The following CASK variants were observed in gnomAD, a reference collection of about 807,000 sequenced individuals.
CASK encodes the protein calcium/calmodulin dependent serine protein kinase, also known as peripheral plasma membrane protein CASK.
A neutral mutation model predicts 82.9 loss-of-function variants in CASK; 4 were observed. The observed-to-expected ratio is 0.05, with a 90% CI of 0.02 to 0.11. The LOEUF (loss-of-function observed/expected upper bound fraction) is 0.11, where lower values mean the gene tolerates loss of function less well. Ranked by LOEUF, CASK falls within the 10% of genes least tolerant of loss-of-function variation. CASK has a pLI of 1.00. For synonymous variants in CASK, 259 were observed against 253.5 expected, an observed-to-expected ratio of 1.02 and a Z score of -0.20; for missense variants, 358 against 720.9, an observed-to-expected ratio of 0.50 and a Z score of 5.76.
intron 3 of CASK, among the ~76,000 whole-genome samples, chrX:41,775,278 T>G (rs1489414062): frequency 1.5e-4 from 17 of 111,444 alleles, no homozygotes; most frequent in South Asian, 3.8e-4. Flanking sequence ...AAAGACACAT[T>G]AAAAACTGCT....
chrX:41,783,558 A>AAC (rs2069525506), intron 3 of CASK, among the ~76,000 whole-genome samples: 1 of 110,888 alleles, frequency 9.0e-6, no homozygotes, highest in African/African-American at 3.3e-5. Flanking sequence ...CAAAAAAAAA[A>AAC]AAAAAACAAA....
At chrX:41,531,288 C>T (rs762911111) in intron 24 of CASK, 79 bp from the exon 25 acceptor site, 37 of 762,136 alleles carry the variant, frequency 4.9e-5, no homozygotes, top group Middle Eastern at 2.8e-4. Context: ...TTACTCAAAC[C>T]CAGTCTCTTC....
At position 41,519,291 on chromosome X, in the gene CASK, G is replaced by A. The variant is rs2064602901; in HGVS notation, c.*1129C>T. 1 of 111,926 alleles carries A rather than the reference G, an allele frequency of 8.9e-6. No homozygotes were observed. Among genetic ancestry groups the A allele is most frequent in the African/African-American group, 3.3e-5 (1 of 30,755 alleles). The allele number at this position is 111,926 out of a possible 1,213,427, so 9.2% of individuals were successfully genotyped here. A position where few individuals can be genotyped will look rare whatever the true frequency, so the allele number is the denominator to read the frequency against. ...GTTATCATTTTAAAGGAATTTACAG[G>A]GCTGTTATAGATGATTCTTTTGGAA... is the stretch of plus-strand genomic sequence containing the variant. On this transcript the variant is annotated 3_prime_UTR_variant, in exon 27 of 27. Transcript: ENST00000378163.
chrX:41,812,007 TGGACACATACACCCTCCCAA>T (rs1311517650), intron 2 of CASK, among the ~76,000 whole-genome samples: 1 of 111,468 alleles, frequency 9.0e-6, no homozygotes, highest in Non-Finnish European at 1.9e-5. Flanking sequence ...GATAAATTCC[TGGACACATACACCCTCCCAA>T]GACTAAACCA....
intron 8 of CASK, among the ~76,000 whole-genome samples, chrX:41,647,590 C>T (rs956167645): frequency 4.5e-5 from 5 of 111,477 alleles, no homozygotes; most frequent in African/African-American, 6.5e-5. Context: ...AAGCCTTCAT[C>T]GCCATGGCAC....
chrX:41,686,342 C>T (rs1042130583), intron 5 of CASK, among the ~76,000 whole-genome samples: 4 of 110,687 alleles, frequency 3.6e-5, no homozygotes, highest in Admixed American at 1.9e-4. Flanking sequence ...CTGCCCGCCT[C>T]GGTCTCCCAA....
At chrX:41,523,848 A>G in intron 26 of CASK, 103 bp downstream of exon 26, 1 of 620,226 alleles carries the variant, frequency 1.6e-6, no homozygotes, top group South Asian at 2.4e-5. Flanking sequence ...CCATTTCATC[A>G]GAGCAGCCTT....
At chrX:41,522,507 T>A (rs1242709515) in intron 26 of CASK, among the ~76,000 whole-genome samples, 1 of 111,931 alleles carries the variant, frequency 8.9e-6, no homozygotes, top group Non-Finnish European at 1.9e-5. Context: ...CTTTACTTCA[T>A]AATCAACACA....
At chrX:41,891,330 GC>G (rs1569478212) in intron 1 of CASK, among the ~76,000 whole-genome samples, 1 of 98,370 alleles carries the variant, frequency 1.0e-5, no homozygotes, top group Non-Finnish European at 2.0e-5. Context: ...GGGTGGGGGG[GC>G]GGGGGGAGCA....
intron 11 of CASK, among the ~76,000 whole-genome samples, chrX:41,611,815 T>C (rs9803188): frequency 1.9e-5 from 2 of 106,901 alleles, no homozygotes; most frequent in Non-Finnish European, 1.9e-5. Flanking sequence ...TCTCCTGCCT[T>C]AGCCTGCCGA....
intron 6 of CASK, among the ~76,000 whole-genome samples, chrX:41,668,228 T>C (rs2067145074): frequency 9.0e-6 from 1 of 111,635 alleles, no homozygotes. Flanking sequence ...TATGGGAATA[T>C]AGAGAGAAGG....
At chrX:41,532,489 C>T (rs2064818569) in intron 24 of CASK, among the ~76,000 whole-genome samples, 1 of 111,744 alleles carries the variant, frequency 8.9e-6, no homozygotes, top group South Asian at 3.8e-4. Context: ...GGACCAGTAT[C>T]CTGCAAAACA....
intron 2 of CASK, among the ~76,000 whole-genome samples, chrX:41,837,678 T>C (rs1300779762): frequency 8.9e-6 from 1 of 112,545 alleles, no homozygotes; most frequent in East Asian, 2.8e-4. Context: ...AGATTTTTCA[T>C]TTTTATTGCT....
chrX:41,620,753 G>A (rs912972234), intron 11 of CASK, among the ~76,000 whole-genome samples: 2 of 111,844 alleles, frequency 1.8e-5, no homozygotes, highest in Non-Finnish European at 3.8e-5. Context: ...TCCTGTAATG[G>A]AAACTGTATT....
At chrX:41,804,941 T>C (rs1005851016) in intron 2 of CASK, among the ~76,000 whole-genome samples, 1 of 112,274 alleles carries the variant, frequency 8.9e-6, no homozygotes, top group Non-Finnish European at 1.9e-5. Context: ...TCTGGGATAC[T>C]CTAATAAATA....
intron 1 of CASK, among the ~76,000 whole-genome samples, chrX:41,884,242 G>A (rs1035193349): frequency 4.5e-5 from 5 of 111,815 alleles, no homozygotes; most frequent in African/African-American, 1.6e-4. Context: ...CTTTTTGGTT[G>A]GGTGGGAACT....
intron 14 of CASK, chrX:41,584,391 T>G (rs2065626041): frequency 1.8e-5 from 2 of 109,710 alleles, no homozygotes; most frequent in South Asian, 8.1e-4. Flanking sequence ...CTTTAACCAC[T>G]TTTATAATAT....
intron 21 of CASK, among the ~76,000 whole-genome samples, chrX:41,543,569 A>G: frequency 8.9e-6 from 1 of 112,141 alleles, no homozygotes; most frequent in Non-Finnish European, 1.9e-5. Flanking sequence ...ATTTTGATCT[A>G]TAATATCCAG....
chrX:41,727,986 A>C (rs775581640), intron 5 of CASK: 6 of 1,149,485 alleles, frequency 5.2e-6, no homozygotes, highest in Non-Finnish European at 7.1e-6. Context: ...AGAAGACACT[A>C]TATAATCTCT....
Sources: allele counts gnomAD v4.1 joint callset (sites outside exome capture counted in the v4.1 genomes callset), GRCh38; gene constraint gnomAD v4.1.1; transcripts MANE v1.5; gene names NCBI Gene and HGNC (gene_info 2026-07-23, HGNC 2026-07-21).